SHANK2: variants seen among roughly 807,000 people sequenced by gnomAD.
SHANK2 encodes SH3 and multiple ankyrin repeat domains protein 2.
Under a neutral mutation model 133.7 loss-of-function variants are expected in SHANK2, and 43 were observed. The observed-to-expected ratio is 0.32, with a 90% CI of 0.25 to 0.41. The LOEUF (loss-of-function observed/expected upper bound fraction) is 0.41, where lower values mean the gene tolerates loss of function less well. Ranked by LOEUF, SHANK2 falls within the 10% of genes least tolerant of loss-of-function variation. The pLI is 1.00. For synonymous variants in SHANK2, 1,017 were observed against 952.8 expected, an observed-to-expected ratio of 1.07 and a Z score of -1.24; for missense variants, 1,994 against 2,235.8, an observed-to-expected ratio of 0.89 and a Z score of 2.18.
Position 71,121,151 on chromosome 11 carries a change from G to T in SHANK2, c.208-2119C>A, listed in dbSNP as rs147661245. ...AAGCCTGGGTTTGCAACCCAGTGGG[G>T]CACACCAACCTTGATTCCTAGGGAA... On this transcript the variant is annotated intron_variant, in intron 3 of 25. Coordinates refer to ENST00000601538, the MANE Select transcript of SHANK2 (RefSeq NM_012309.5). Among the ~76,000 whole-genome samples the T allele has an allele frequency of 7.9e-5, 12 of 152,328 alleles. No homozygotes were observed. In the East Asian group the frequency reaches 1.4e-3, roughly 17 times the overall value.
At chr11:70,612,233 G>T (rs2060668320) in intron 17 of SHANK2, among the ~76,000 whole-genome samples, 1 of 152,132 alleles carries the variant, frequency 6.6e-6, no homozygotes, top group Admixed American at 6.6e-5. Context: ...CTGAGTATGG[G>T]AACTCACACG....
chr11:70,482,777 G>A (rs1230778662), intron 25 of SHANK2, among the ~76,000 whole-genome samples: 2 of 152,238 alleles, frequency 1.3e-5, no homozygotes, highest in Non-Finnish European at 2.9e-5. Context: ...GTATGCAGCT[G>A]CTCTCCTTCA....
intron 17 of SHANK2, among the ~76,000 whole-genome samples, chr11:70,549,546 G>A (rs1313783815): frequency 6.6e-6 from 1 of 152,216 alleles, no homozygotes; most frequent in African/African-American, 2.4e-5. Context: ...TTTGGTGCTC[G>A]AGGCAGTGTG....
chr11:70,879,018 T>A (rs1360615242), intron 11 of SHANK2, among the ~76,000 whole-genome samples: 1 of 152,156 alleles, frequency 6.6e-6, no homozygotes, highest in African/African-American at 2.4e-5. Context: ...AGGCTACGTA[T>A]CTTCCTGAAG....
At chr11:71,211,877 T>C (rs1372674163) in intron 2 of SHANK2, among the ~76,000 whole-genome samples, 1 of 152,208 alleles carries the variant, frequency 6.6e-6, no homozygotes, top group East Asian at 1.9e-4. Context: ...CCTCTGTGCA[T>C]GGTTCTTTAA....
intron 17 of SHANK2, among the ~76,000 whole-genome samples, chr11:70,657,566 C>T (rs1171567622): frequency 1.3e-5 from 2 of 152,160 alleles, no homozygotes; most frequent in Non-Finnish European, 2.9e-5. Context: ...GTCCAGCTGC[C>T]TGCACCCCGC....
chr11:70,588,240 C>G (rs782621040), intron 17 of SHANK2, among the ~76,000 whole-genome samples: 3 of 152,072 alleles, frequency 2.0e-5, no homozygotes, highest in Non-Finnish European at 4.4e-5. Flanking sequence ...AGAAATAAGG[C>G]CAATTAATGA....
At chr11:70,685,356 T>G (rs774089178) in intron 15 of SHANK2, among the ~76,000 whole-genome samples, 1 of 152,002 alleles carries the variant, frequency 6.6e-6, no homozygotes, top group Non-Finnish European at 1.5e-5. Flanking sequence ...CGGGGCCAAC[T>G]CCAGGCCAGG....
chr11:71,073,989 G>A (rs1251499763), intron 9 of SHANK2, among the ~76,000 whole-genome samples: 3 of 152,268 alleles, frequency 2.0e-5, no homozygotes, highest in African/African-American at 2.4e-5. Context: ...GGCTCCTCAC[G>A]CATCTTATGG....
At chr11:71,089,440 C>T (rs1446656400) in intron 8 of SHANK2, among the ~76,000 whole-genome samples, 8 of 151,404 alleles carry the variant, frequency 5.3e-5, no homozygotes, top group African/African-American at 1.7e-4. Flanking sequence ...TACATGCGTG[C>T]GTGCGAGTGT....
intron 17 of SHANK2, among the ~76,000 whole-genome samples, chr11:70,509,510 T>C (rs782581519): frequency 6.6e-6 from 1 of 152,252 alleles, no homozygotes; most frequent in Non-Finnish European, 1.5e-5. Context: ...CCAGCTGGCA[T>C]GTAGCTCTGA....
chr11:70,901,590 C>T (rs529282592), intron 10 of SHANK2, among the ~76,000 whole-genome samples: 7 of 152,258 alleles, frequency 4.6e-5, no homozygotes, highest in African/African-American at 1.7e-4. Flanking sequence ...AATAACATTT[C>T]GGTAATACAG....
At chr11:70,631,410 C>CACACACACCCCCA in intron 17 of SHANK2, among the ~76,000 whole-genome samples, 1 of 69,240 alleles carries the variant, frequency 1.4e-5, no homozygotes, top group East Asian at 3.7e-4. Context: ...ACACACACAC[C>CACACACACCCCCA]CACACAACCT....
At chr11:70,784,028 G>C (rs1412733910) in intron 14 of SHANK2, among the ~76,000 whole-genome samples, 1 of 152,174 alleles carries the variant, frequency 6.6e-6, no homozygotes, top group Non-Finnish European at 1.5e-5. Context: ...GGCTGGAAGT[G>C]GGAACAAGTG....
chr11:71,167,664 G>GA (rs1953196747), intron 2 of SHANK2, among the ~76,000 whole-genome samples: 1 of 147,742 alleles, frequency 6.8e-6, no homozygotes, highest in African/African-American at 2.5e-5. Context: ...TGGCCGGGCG[G>GA]GGGGCTGACC....
chr11:71,199,748 G>C (rs1953981788), intron 2 of SHANK2, among the ~76,000 whole-genome samples: 2 of 152,166 alleles, frequency 1.3e-5, no homozygotes, highest in Admixed American at 6.5e-5. Flanking sequence ...CCCTGCCATA[G>C]GGAATCCTAA....
At chr11:71,064,968 A>C (rs1241448413) in intron 9 of SHANK2, among the ~76,000 whole-genome samples, 2 of 151,614 alleles carry the variant, frequency 1.3e-5, no homozygotes, top group South Asian at 2.1e-4. Flanking sequence ...ACAAGGACAC[A>C]GACAGGCCCG....
In SHANK2 at chr11:70,752,382, G is replaced by A. The variant is rs34974477; in HGVS notation, c.1777+46061C>T. ...ATATCAAAGTAGTCTCAAGTGCAAGGAAAATTGCCAGGGATAAATAGGAAC... is the reference window on the plus strand; with the variant it reads ...ATATCAAAGTAGTCTCAAGTGCAAGAAAAATTGCCAGGGATAAATAGGAAC... On this transcript the variant is annotated intron_variant, in intron 14 of 25. Coordinates refer to ENST00000601538, the MANE Select transcript of SHANK2 (RefSeq NM_012309.5). Among the ~76,000 whole-genome samples the A allele has an allele frequency of 9.6e-3, 1,456 of 152,228 alleles. 12 individuals are homozygous for A. The highest frequency in any genetic ancestry group is 0.015 in the Non-Finnish European group (1,028 of 68,022).
At chr11:71,119,140 A>T (rs781806222) in intron 3 of SHANK2, 108 bp from the exon 4 acceptor site, 1 of 893,850 alleles carries the variant, frequency 1.1e-6, no homozygotes, top group Non-Finnish European at 1.7e-6. Flanking sequence ...CCTTCCCGAC[A>T]CTTCCTCTGA....
Sources: gnomAD v4.1 joint callset for allele counts (sites outside exome capture counted in the v4.1 genomes callset) on GRCh38, gnomAD v4.1.1 for gene constraint, MANE v1.5 for transcripts, NCBI Gene and HGNC (gene_info 2026-07-23, HGNC 2026-07-21) for gene names.